Variants in MACO1 observed in about 807,000 individuals in gnomAD.
MACO1 encodes the protein macoilin 1.
Under a neutral mutation model 78.7 loss-of-function variants are expected in MACO1, and 14 were observed. The ratio of observed to expected loss-of-function variants is 0.18; its 90% CI spans 0.12 to 0.28. MACO1 has a LOEUF of 0.28. Ranked by LOEUF, MACO1 falls within the 10% of genes least tolerant of loss-of-function variation. The pLI is 1.00. For synonymous variants in MACO1, 288 were observed against 291.6 expected, an observed-to-expected ratio of 0.99 and a Z score of 0.12; for missense variants, 501 against 799.0, an observed-to-expected ratio of 0.63 and a Z score of 4.50.
Position 25,464,338 on chromosome 1 carries a change from C to CT in MACO1, c.1154+5470dup, listed in dbSNP as rs71014363. ...GTCTTCTATAATTTCTTTTTCTTCT[C>CT]TTTTTTTTTTTTTTTTTTTTTTTTG... On this transcript the variant is annotated intron_variant, in intron 6 of 10. Transcript: ENST00000374343. 6.8e-3 allele frequency among the ~76,000 whole-genome samples: 551 copies of CT among 80,978 alleles called. 16 individuals are homozygous for CT. Among genetic ancestry groups the CT allele is most frequent in the African/African-American group, 0.02 (415 of 20,306 alleles). 53.1% of individuals were successfully genotyped at this position (80,978 alleles called of 152,430 possible).
intron 10 of MACO1, among the ~76,000 whole-genome samples, chr1:25,494,485 C>T (rs2043517322): frequency 6.6e-6 from 1 of 151,972 alleles, no homozygotes. Flanking sequence ...GGACCATGAA[C>T]GAAGCCATAC....
intron 1 of MACO1, among the ~76,000 whole-genome samples, chr1:25,435,653 A>G (rs999504228): frequency 5.3e-5 from 8 of 152,152 alleles, no homozygotes; most frequent in African/African-American, 1.9e-4. Flanking sequence ...GAAACCCCAG[A>G]TACCTGTGTT....
At chr1:25,460,561 T>C (rs1455572081) in intron 6 of MACO1, among the ~76,000 whole-genome samples, 2 of 152,146 alleles carry the variant, frequency 1.3e-5, no homozygotes, top group African/African-American at 4.8e-5. Flanking sequence ...CATGCCACTA[T>C]GCCTGGCTAA....
intron 1 of MACO1, among the ~76,000 whole-genome samples, chr1:25,432,619 C>T (rs1363523703): frequency 2.0e-5 from 3 of 152,186 alleles, no homozygotes; most frequent in Admixed American, 6.5e-5. Context: ...CTTCAATTCA[C>T]GTTACATACA....
intron 6 of MACO1, among the ~76,000 whole-genome samples, chr1:25,459,456 G>A (rs1205836366): frequency 1.3e-5 from 2 of 151,460 alleles, no homozygotes; most frequent in African/African-American, 4.9e-5. Flanking sequence ...GTTTAATTAG[G>A]AATGTTGCTT....
intron 6 of MACO1, among the ~76,000 whole-genome samples, chr1:25,471,118 C>A (rs887519032): frequency 6.6e-6 from 1 of 152,052 alleles, no homozygotes; most frequent in African/African-American, 2.4e-5. Context: ...GCAGGTGGAT[C>A]ACATAAGGCC....
Position 25,473,106 on chromosome 1 carries a change from ATGTC to A in MACO1, c.1155-11007_1155-11004del, listed in dbSNP as rs529800569. On this transcript the variant is annotated intron_variant, in intron 6 of 10. Coordinates refer to ENST00000374343, the MANE Select transcript of MACO1 (RefSeq NM_018202.6). ...TTTTGATTTATGTTTTTCTAGCACT[ATGTC>A]TGAGCAGATATACTTTGTCGGACCT... is the stretch of plus-strand genomic sequence containing the variant. Among the ~76,000 whole-genome samples, 307 of 152,304 alleles carry A rather than the reference ATGTC, an allele frequency of 2.0e-3. 1 individual carries two copies. Among genetic ancestry groups the A allele is most frequent in the African/African-American group, 7.0e-3 (292 of 41,554 alleles).
chr1:25,465,751 A>G (rs1186229344), intron 6 of MACO1, among the ~76,000 whole-genome samples: 1 of 152,206 alleles, frequency 6.6e-6, no homozygotes, highest in African/African-American at 2.4e-5. Flanking sequence ...ACTTCTCATT[A>G]TCGACCCTCC....
chr1:25,469,014 A>AT (rs948330171), intron 6 of MACO1, among the ~76,000 whole-genome samples: 4 of 151,150 alleles, frequency 2.6e-5, no homozygotes, highest in East Asian at 1.9e-4. Context: ...TAATTTTTTT[A>AT]TTTTTTTTAG....
chr1:25,449,940 A>G (rs188354711), intron 3 of MACO1, among the ~76,000 whole-genome samples: 7 of 152,196 alleles, frequency 4.6e-5, no homozygotes, highest in African/African-American at 1.7e-4. Flanking sequence ...AATCGCTTGA[A>G]CCCGGGAGAC....
intron 1 of MACO1, among the ~76,000 whole-genome samples, chr1:25,438,482 A>G (rs1252076617): frequency 1.3e-5 from 2 of 152,238 alleles, no homozygotes; most frequent in Non-Finnish European, 2.9e-5. Flanking sequence ...AGGAATAGAG[A>G]ACTAAAAAGC....
At chr1:25,432,213 G>A (rs1196960829) in intron 1 of MACO1, among the ~76,000 whole-genome samples, 2 of 152,092 alleles carry the variant, frequency 1.3e-5, no homozygotes, top group African/African-American at 2.4e-5. Flanking sequence ...TCTAGCTGTG[G>A]GATTTCAAGA....
At chr1:25,443,397 C>T (rs2042988258) in intron 1 of MACO1, among the ~76,000 whole-genome samples, 1 of 152,110 alleles carries the variant, frequency 6.6e-6, no homozygotes, top group African/African-American at 2.4e-5. Context: ...TGGAGGCAGG[C>T]CTGCCTGAAA....
At chr1:25,480,929 A>AAAATATATATAT (rs1553166539) in intron 6 of MACO1, among the ~76,000 whole-genome samples, 14 of 47,864 alleles carry the variant, frequency 2.9e-4, no homozygotes, top group South Asian at 9.3e-4. Context: ...AAAAAAAAAA[A>AAAATATATATAT]ATATATATAT....
chr1:25,489,380 C>A, intron 9 of MACO1, 87 bp downstream of exon 9: 3 of 1,450,232 alleles, frequency 2.1e-6, no homozygotes, highest in Non-Finnish European at 2.8e-6. Context: ...AGAGATGATG[C>A]CTTTTAATAT....
chr1:25,447,217 T>TA (rs34596921), intron 2 of MACO1, among the ~76,000 whole-genome samples: 55,863 of 150,150 alleles, frequency 0.37, 12,240 homozygotes, highest in East Asian at 0.7. Flanking sequence ...GTTCCTACCT[T>TA]AAAAAAAAAA....
At chr1:25,466,073 A>G (rs544304802) in intron 6 of MACO1, among the ~76,000 whole-genome samples, 26 of 152,350 alleles carry the variant, frequency 1.7e-4, no homozygotes, top group Middle Eastern at 6.8e-3. Context: ...CAGTAAACAT[A>G]CAAGTGCAGG....
chr1:25,442,030 T>C (rs982399543), intron 1 of MACO1, among the ~76,000 whole-genome samples: 1 of 152,214 alleles, frequency 6.6e-6, no homozygotes, highest in African/African-American at 2.4e-5. Context: ...GCTTCTAAAA[T>C]TTGATTGTAT....
At chr1:25,480,926 AAAAATATATAT>A (rs1487804592) in intron 6 of MACO1, among the ~76,000 whole-genome samples, 4 of 34,802 alleles carry the variant, frequency 1.1e-4, no homozygotes, top group African/African-American at 3.9e-4. Context: ...AAAAAAAAAA[AAAAATATATAT>A]ATATATATAT....
Sources: allele counts gnomAD v4.1 joint callset (sites outside exome capture counted in the v4.1 genomes callset), GRCh38; gene constraint gnomAD v4.1.1; transcripts MANE v1.5; gene names NCBI Gene and HGNC (gene_info 2026-07-23, HGNC 2026-07-21).